The following ISY1 variants were observed in gnomAD, a reference collection of about 807,000 sequenced individuals.
ISY1 encodes the protein ISY1 spliceosome associated protein.
In ISY1, 12 loss-of-function variants were observed where a neutral mutation model predicts 54.4. The ratio of observed to expected loss-of-function variants is 0.22; its 90% CI spans 0.14 to 0.36. The LOEUF (loss-of-function observed/expected upper bound fraction) is 0.36, where lower values mean the gene tolerates loss of function less well. Ranked by LOEUF, ISY1 falls within the 10% of genes least tolerant of loss-of-function variation. The pLI is 1.00. For missense variants in ISY1, 282 were observed against 342.2 expected (o/e 0.82, Z 1.39); for synonymous variants, 96 against 117.9 (o/e 0.81, Z 1.20).
chr3:129,158,710 T>A, intron 2 of ISY1, 151 bp from the exon 3 acceptor site: 1 of 1,158,658 alleles, frequency 8.6e-7, no homozygotes, highest in Non-Finnish European at 1.2e-6. Context: ...ACAGAATAGT[T>A]AGGGATTTCC....
chr3:129,139,453 T>C (rs1368032678), intron 7 of ISY1, among the ~76,000 whole-genome samples: 1 of 152,106 alleles, frequency 6.6e-6, no homozygotes, highest in African/African-American at 2.4e-5. Context: ...ATGGTGAAAA[T>C]ACTGGCATCA....
At chr3:129,157,213 G>A (rs1335094999) in intron 3 of ISY1, among the ~76,000 whole-genome samples, 1 of 152,016 alleles carries the variant, frequency 6.6e-6, no homozygotes, top group Non-Finnish European at 1.5e-5. Flanking sequence ...AAGAAACAAT[G>A]TCTATCAGTG....
At chr3:129,160,918 G>GGCCCGGGGGGGGGGGGGGGGGGCCCCC in intron 1 of ISY1, 55 bp downstream of exon 1, 1 of 666,128 alleles carries the variant, frequency 1.5e-6, no homozygotes, top group Non-Finnish European at 2.7e-6. Context: ...TGGACTGGGC[G>GGCCCGGGGGGGGGGGGGGGGGGCCCCC]CCCCCCCGCC....
At chr3:129,136,338 G>C (rs1428533110) in intron 7 of ISY1, among the ~76,000 whole-genome samples, 3 of 152,060 alleles carry the variant, frequency 2.0e-5, no homozygotes, top group African/African-American at 7.2e-5. Flanking sequence ...CTGACCTCAG[G>C]TGATCCACCC....
rs555204896 is a variant in ISY1 at position 129,134,681 on chromosome 3, G to T, written c.541+151C>A. ...ACACAGCTTTGACTGCCTCACAGGG[G>T]TCAGGGAATTAGCAGACCATCACGC... On this transcript the variant is annotated intron_variant, in intron 8 of 10. Transcript: ENST00000393295. The T allele has an allele frequency of 2.6e-5, 30 of 1,145,278 alleles. No individual in the cohort carries two copies. In the South Asian group the frequency reaches 4.5e-4, roughly 17 times the overall value. The allele number at this position is 1,145,278 out of a possible 1,614,324, so 70.9% of individuals were successfully genotyped here.
intron 1 of ISY1, among the ~76,000 whole-genome samples, chr3:129,160,027 T>C (rs1328199922): frequency 2.1e-5 from 3 of 144,768 alleles, no homozygotes; most frequent in Admixed American, 6.9e-5. Flanking sequence ...CGGCTACTAC[T>C]TTTTTTTTTT....
chr3:129,133,544 A>C (rs1239940349), intron 9 of ISY1, among the ~76,000 whole-genome samples: 9 of 152,198 alleles, frequency 5.9e-5, no homozygotes, highest in African/African-American at 1.7e-4. Context: ...AAATACAAAA[A>C]TTAGCCATGC....
intron 5 of ISY1, among the ~76,000 whole-genome samples, chr3:129,154,148 A>G (rs1256071940): frequency 6.6e-6 from 1 of 151,548 alleles, no homozygotes; most frequent in Non-Finnish European, 1.5e-5. Context: ...AGGCTGAGGC[A>G]GGAGAATGGC....
At chr3:129,136,887 T>A (rs1246377432) in intron 7 of ISY1, among the ~76,000 whole-genome samples, 3 of 144,378 alleles carry the variant, frequency 2.1e-5, no homozygotes, top group East Asian at 2.1e-4. Flanking sequence ...TTTTTTTTTA[T>A]TTTTTATTTT....
rs1937285906 is a variant in ISY1 at position 129,160,825 on chromosome 3, G to A, written c.3+148C>T. 3 of 1,032,002 alleles carry A rather than the reference G, an allele frequency of 2.9e-6. No individual in the cohort carries two copies. In the African/African-American group the frequency reaches 4.8e-5, roughly 16 times the overall value. 63.9% of individuals were successfully genotyped at this position (1,032,002 alleles called of 1,614,324 possible). A position where few individuals can be genotyped will look rare whatever the true frequency, so the allele number is the denominator to read the frequency against. On this transcript the variant is annotated intron_variant, in intron 1 of 10. Coordinates refer to ENST00000393295, the MANE Select transcript of ISY1 (RefSeq NM_020701.4). Reference sequence around the variant, plus strand: ...CAATTTGTGACAGCTAATGGAGGCAGGAAGAGAATCCCCTCGTTACACCAA... The same window carrying A: ...CAATTTGTGACAGCTAATGGAGGCAAGAAGAGAATCCCCTCGTTACACCAA...
intron 6 of ISY1, among the ~76,000 whole-genome samples, chr3:129,140,880 T>C (rs1229642420): frequency 6.6e-6 from 1 of 151,442 alleles, no homozygotes; most frequent in Non-Finnish European, 1.5e-5. Context: ...ATCTGATCTT[T>C]AAACCCACTA....
rs544852871 is a variant in ISY1, at chr3:129,133,892, C to G, written c.663+182G>C. Among the ~76,000 whole-genome samples, 77 of 152,308 alleles carry G rather than the reference C, an allele frequency of 5.1e-4. 2 individuals are homozygous for G. In the South Asian group the frequency reaches 0.016, roughly 31 times the overall value. On this transcript the variant is annotated intron_variant, in intron 9 of 10. Coordinates refer to ENST00000393295, the MANE Select transcript of ISY1 (RefSeq NM_020701.4). ...TGTAAAGCACGGCCGGCAGGGCACT[C>G]TCATGGCTGCTGCCTCCTGAAACCC...
At chr3:129,145,168 C>A (rs1936731255) in intron 6 of ISY1, among the ~76,000 whole-genome samples, 1 of 152,100 alleles carries the variant, frequency 6.6e-6, no homozygotes, top group Non-Finnish European at 1.5e-5. Flanking sequence ...GTCTCAGCCT[C>A]CCAAAGTGCT....
intron 2 of ISY1, 117 bp from the exon 3 acceptor site, chr3:129,158,676 T>TATAA: frequency 7.2e-7 from 1 of 1,380,124 alleles, no homozygotes; most frequent in Non-Finnish European, 1.0e-6. Flanking sequence ...GTCATTCATA[T>TATAA]ACAAATATTG....
At chr3:129,159,495 C>T (rs1251928974) in intron 1 of ISY1, among the ~76,000 whole-genome samples, 1 of 152,134 alleles carries the variant, frequency 6.6e-6, no homozygotes, top group African/African-American at 2.4e-5. Context: ...CCCAGTTAGG[C>T]TGGTGTCCTC....
intron 6 of ISY1, among the ~76,000 whole-genome samples, chr3:129,142,193 C>T (rs923921723): frequency 3.9e-5 from 5 of 129,478 alleles, no homozygotes; most frequent in Non-Finnish European, 6.4e-5. Context: ...GACGACAGAG[C>T]GAGACTCTGT....
intron 7 of ISY1, 100 bp downstream of exon 7, chr3:129,140,268 T>C (rs1473066481): frequency 9.8e-7 from 1 of 1,025,590 alleles, no homozygotes. Context: ...ATAAGGCTGT[T>C]ATGCAACTAA....
At position 129,159,136 on chromosome 3, in the gene ISY1, A is replaced by G; in HGVS notation, c.26+18T>C. On this transcript the variant is annotated intron_variant, in intron 2 of 10. Coordinates refer to ENST00000393295, the MANE Select transcript of ISY1 (RefSeq NM_020701.4). The stretch of plus-strand genomic sequence containing the variant: ...TAAGTTACAAAAAATTTACAGCCAA[A>G]AACAAGTTGATACTTACATGGCCTT... 6.2e-7 allele frequency: 1 copy of G among 1,604,772 alleles called. No homozygotes were observed. Among genetic ancestry groups the G allele is most frequent in the South Asian group, 1.1e-5 (1 of 87,638 alleles).
chr3:129,137,605 G>A (rs1936455151), intron 7 of ISY1, among the ~76,000 whole-genome samples: 1 of 152,036 alleles, frequency 6.6e-6, no homozygotes, highest in Admixed American at 6.6e-5. Flanking sequence ...GGCCGAGGTG[G>A]GCAGATCATG....
Sources: allele counts gnomAD v4.1 joint callset (sites outside exome capture counted in the v4.1 genomes callset), GRCh38; gene constraint gnomAD v4.1.1; transcripts MANE v1.5; gene names NCBI Gene and HGNC (gene_info 2026-07-23, HGNC 2026-07-21).